DNAH6: variants seen among roughly 807,000 people sequenced by gnomAD.
DNAH6 encodes the protein dynein axonemal heavy chain 6, also known as axonemal beta dynein heavy chain 6.
A neutral mutation model predicts 491.4 loss-of-function variants in DNAH6; 340 were observed. The ratio of observed to expected loss-of-function variants is 0.69; its 90% CI spans 0.63 to 0.76. The LOEUF is 0.76. Among genes scored for constraint, DNAH6 ranks in the 30% least tolerant of loss-of-function variants. The pLI is 0.00. For synonymous variants in DNAH6, 1,603 were observed against 1,686.1 expected (o/e 0.95, Z 1.21); for missense variants, 4,443 against 4,972.2 (o/e 0.89, Z 3.20).
chr2:84,519,787 A>G (rs757866747), intron 2 of DNAH6, among the ~76,000 whole-genome samples: 12 of 151,248 alleles, frequency 7.9e-5, no homozygotes, highest in Non-Finnish European at 7.4e-5. Flanking sequence ...GCCATCTAAC[A>G]TTGATGACAT....
At position 84,685,462 on chromosome 2, in the gene DNAH6, A is replaced by G; in HGVS notation, c.7053A>G (p.Thr2351=). Residue 2351 remains threonine (T), a synonymous_variant, in exon 43 of 77, where the codon ACA becomes ACG. Transcript: ENST00000389394. ...AGCACTATTTCCATGTTATTCTGAC[A>G]GAAATGGCCAGTAAATATGAATCTT... ...EDKHYFHVIL[T]EMANKHFGIA... The G allele has an allele frequency of 2.0e-6, 3 of 1,478,100 alleles. No homozygotes were observed. Among genetic ancestry groups the G allele is most frequent in the Non-Finnish European group, 2.7e-6 (3 of 1,107,810 alleles). 91.6% of individuals were successfully genotyped at this position (1,478,100 alleles called of 1,614,324 possible). A position where few individuals can be genotyped will look rare whatever the true frequency, so the allele number is the denominator to read the frequency against.
chr2:84,677,370 C>A (rs912734059), intron 41 of DNAH6, among the ~76,000 whole-genome samples: 4 of 152,188 alleles, frequency 2.6e-5, no homozygotes, highest in African/African-American at 9.6e-5. Flanking sequence ...ATTGTGCAGA[C>A]AAAACCCCTA....
intron 2 of DNAH6, among the ~76,000 whole-genome samples, chr2:84,520,304 T>C (rs1248127026): frequency 1.3e-5 from 2 of 152,174 alleles, no homozygotes; most frequent in Admixed American, 1.3e-4. Flanking sequence ...TAAATTAAAT[T>C]GCATTTTCAC....
intron 23 of DNAH6, among the ~76,000 whole-genome samples, chr2:84,617,897 A>G (rs1438965220): frequency 6.6e-6 from 1 of 151,892 alleles, no homozygotes; most frequent in Non-Finnish European, 1.5e-5. Context: ...AAATCTTCCT[A>G]TCTCTAGCTG....
At chr2:84,726,402 G>A (rs548849554) in intron 60 of DNAH6, among the ~76,000 whole-genome samples, 10 of 152,196 alleles carry the variant, frequency 6.6e-5, no homozygotes, top group East Asian at 1.9e-4. Flanking sequence ...TCCTTGCCCC[G>A]TGACTTCCAT....
chr2:84,762,761 T>C lies in DNAH6; in HGVS notation c.10519T>C (p.Phe3507Leu). ...IKCCKEEKVV[F>L]ALTDFVIENL... is the part of the protein sequence containing the mutation. ...TTTTCTTTTCAACTTTCAGGTGGTT[T>C]TTGCTCTTACAGACTTTGTGATAGA... is the stretch of plus-strand genomic sequence containing the variant. The change falls in exon 64 of 77, where the codon TTT (phenylalanine) becomes CTT (leucine). Residue 3507 changes from phenylalanine to leucine, a missense_variant. This residue lies in a region of DNAH6 where 1,463 missense variants were observed against 1,656.6 expected (regional missense o/e 0.88). Coordinates refer to ENST00000389394, the MANE Select transcript of DNAH6 (RefSeq NM_001370.2). 1 of 1,544,032 alleles carries C rather than the reference T, an allele frequency of 6.5e-7. No homozygotes were observed. Among genetic ancestry groups the C allele is most frequent in the African/African-American group, 1.4e-5 (1 of 72,734 alleles).
chr2:84,546,515 A>G (rs1360071347), intron 5 of DNAH6, among the ~76,000 whole-genome samples: 1 of 152,192 alleles, frequency 6.6e-6, no homozygotes, highest in African/African-American at 2.4e-5. Context: ...GAAGGACTGT[A>G]TGTGGTCCTT....
chr2:84,733,184 C>T (rs750218968), intron 61 of DNAH6, among the ~76,000 whole-genome samples: 1 of 152,150 alleles, frequency 6.6e-6, no homozygotes, highest in Non-Finnish European at 1.5e-5. Flanking sequence ...GGAAAACAGG[C>T]TGAAAGTAGC....
intron 62 of DNAH6, among the ~76,000 whole-genome samples, chr2:84,736,040 A>G (rs1242310079): frequency 6.6e-6 from 1 of 152,050 alleles, no homozygotes; most frequent in Non-Finnish European, 1.5e-5. Context: ...ATATATGGTA[A>G]GAAGTAGGGG....
intron 74 of DNAH6, among the ~76,000 whole-genome samples, chr2:84,813,748 G>A (rs56347262): frequency 0.011 from 1,732 of 152,254 alleles, 36 homozygotes; most frequent in African/African-American, 0.04. Flanking sequence ...TCCCTTCCCA[G>A]CCAGGACCAG....
At chr2:84,758,021 C>T (rs1371531242) in intron 63 of DNAH6, among the ~76,000 whole-genome samples, 3 of 152,080 alleles carry the variant, frequency 2.0e-5, no homozygotes, top group Non-Finnish European at 4.4e-5. Context: ...TTATTTTCTG[C>T]ATATTTAAAA....
chr2:84,636,933 A>G (rs1688937670), intron 30 of DNAH6, among the ~76,000 whole-genome samples: 1 of 152,062 alleles, frequency 6.6e-6, no homozygotes, highest in Non-Finnish European at 1.5e-5. Flanking sequence ...GAGGCTCAGT[A>G]TATGTTCAGA....
chr2:84,468,470 A>G, the DNAH6 span, among the ~76,000 whole-genome samples: 5 of 152,320 alleles, frequency 3.3e-5, no homozygotes, highest in South Asian at 1.0e-3. Context: ...TTTTAACCAT[A>G]GCACTCTTTA....
chr2:84,801,774 C>T (rs752854330), intron 70 of DNAH6, among the ~76,000 whole-genome samples: 4 of 151,592 alleles, frequency 2.6e-5, no homozygotes, highest in Non-Finnish European at 5.9e-5. Context: ...ATCCCAGCTA[C>T]TCAGGAGGCT....
chr2:84,501,877 C>CTT, the DNAH6 span, among the ~76,000 whole-genome samples: 109 of 151,544 alleles, frequency 7.2e-4, no homozygotes, highest in African/African-American at 2.5e-3. Context: ...GTAATGTCAC[C>CTT]TTTTTTTATT....
At chr2:84,777,670 A>G in intron 64 of DNAH6, 2 of 813,860 alleles carry the variant, frequency 2.5e-6, no homozygotes, top group Admixed American at 1.7e-5. Flanking sequence ...TGGAATCTCC[A>G]CGTTCCCCAA....
intron 4 of DNAH6, among the ~76,000 whole-genome samples, chr2:84,543,083 C>T (rs1022677321): frequency 2.6e-5 from 4 of 152,106 alleles, no homozygotes; most frequent in Non-Finnish European, 4.4e-5. Flanking sequence ...CTCTTGAACC[C>T]GGGAGGCGGA....
At chr2:84,793,441 A>C (rs1386442965) in intron 68 of DNAH6, among the ~76,000 whole-genome samples, 1 of 152,178 alleles carries the variant, frequency 6.6e-6, no homozygotes, top group Non-Finnish European at 1.5e-5. Context: ...GCTTGTCAAA[A>C]TGCAGATATT....
At chr2:84,777,015 T>A (rs1480769723) in intron 64 of DNAH6, among the ~76,000 whole-genome samples, 2 of 152,152 alleles carry the variant, frequency 1.3e-5, no homozygotes, top group Non-Finnish European at 2.9e-5. Flanking sequence ...AAACACCGCA[T>A]GTTCTCACTC....
Sources: allele counts gnomAD v4.1 joint callset (sites outside exome capture counted in the v4.1 genomes callset), GRCh38; gene constraint gnomAD v4.1.1; regional missense constraint gnomAD v4.1.1; transcripts MANE v1.5; gene names NCBI Gene and HGNC (gene_info 2026-07-23, HGNC 2026-07-21).